Variants in CDK13 observed in about 807,000 individuals in gnomAD.
CDK13 encodes the protein cyclin dependent kinase 13.
CDK13 carries 40 observed loss-of-function variants against 137.6 expected under a neutral mutation model. That is an observed-to-expected ratio of 0.29 (90% CI 0.23 to 0.38). The LOEUF (loss-of-function observed/expected upper bound fraction) is 0.38. Ranked by LOEUF, CDK13 falls within the 10% of genes least tolerant of loss-of-function variation. CDK13 has a pLI of 1.00. For missense variants in CDK13, 1,704 were observed against 1,951.8 expected (o/e 0.87, Z 2.39); for synonymous variants, 869 against 760.1 (o/e 1.14, Z -2.36).
chr7:40,017,164 A>G (rs2140254), intron 5 of CDK13, among the ~76,000 whole-genome samples: 40,629 of 152,036 alleles, frequency 0.27, 6,560 homozygotes, highest in Middle Eastern at 0.45. Flanking sequence ...CTGTAATTCT[A>G]TAATTTGGAT....
Position 40,096,438 on chromosome 7 carries a change from TACAC to T in CDK13, c.*1464_*1467del, listed in dbSNP as rs1317759637. 15 of 152,124 alleles carry T rather than the reference TACAC, an allele frequency of 9.9e-5. No homozygotes were observed. The highest frequency in any genetic ancestry group is 1.9e-4 in the Non-Finnish European group (13 of 68,006). The allele number at this position is 152,124 out of a possible 1,614,324, so 9.4% of individuals were successfully genotyped here. ...CTCACTGTGTGCACACTCTCACACA[TACAC>T]ACACAATTATACTAATTCTAGAAAG... On this transcript the variant is annotated 3_prime_UTR_variant, in exon 14 of 14. Transcript: ENST00000181839.
At chr7:40,051,557 G>GTTT (rs1785888583) in intron 7 of CDK13, among the ~76,000 whole-genome samples, 1 of 152,174 alleles carries the variant, frequency 6.6e-6, no homozygotes. Flanking sequence ...ACTTTGAAGT[G>GTTT]TTTTTATTTT....
chr7:39,997,435 C>A, intron 2 of CDK13, 59 bp from the exon 3 acceptor site: 1 of 1,242,374 alleles, frequency 8.0e-7, no homozygotes, highest in Non-Finnish European at 1.2e-6. Flanking sequence ...AAGTCATAAG[C>A]ATATTTTTAT....
intron 6 of CDK13, among the ~76,000 whole-genome samples, chr7:40,046,961 A>G (rs2150516297): frequency 7.0e-6 from 1 of 143,572 alleles, no homozygotes; most frequent in East Asian, 2.1e-4. Context: ...GTGAGCTGAG[A>G]TAGTGCCACT....
intron 2 of CDK13, among the ~76,000 whole-genome samples, chr7:39,996,922 C>A (rs1218804153): frequency 1.5e-5 from 2 of 137,348 alleles, no homozygotes; most frequent in Non-Finnish European, 3.0e-5. Context: ...CAGGATCTTG[C>A]CACTGCACTC....
intron 1 of CDK13, among the ~76,000 whole-genome samples, chr7:39,970,296 C>T (rs937828967): frequency 6.6e-5 from 10 of 151,928 alleles, no homozygotes; most frequent in Admixed American, 2.6e-4. Flanking sequence ...CCACTGTGTT[C>T]GGCCAGATTT....
At chr7:40,015,375 C>G (rs1784982479) in intron 5 of CDK13, among the ~76,000 whole-genome samples, 1 of 152,060 alleles carries the variant, frequency 6.6e-6, no homozygotes, top group African/African-American at 2.4e-5. Flanking sequence ...AATATGTGCT[C>G]TTGGAACAGG....
At chr7:40,036,541 A>G (rs1358040651) in intron 5 of CDK13, among the ~76,000 whole-genome samples, 4 of 152,228 alleles carry the variant, frequency 2.6e-5, no homozygotes, top group African/African-American at 4.8e-5. Context: ...ACTGTACTCC[A>G]GTCTGGGTGA....
In CDK13 at chr7:39,950,486, C is replaced by T. The variant is rs1787110264; in HGVS notation, c.-156C>T. The stretch of plus-strand genomic sequence containing the variant: ...CCACTGTGACCTGGAACCCAGGGAC[C>T]CGAGTCCCGACCCGGATTATCGTGG... On this transcript the variant is annotated 5_prime_UTR_variant, in exon 1 of 14. Coordinates refer to ENST00000181839, the MANE Select transcript of CDK13 (RefSeq NM_003718.5). 1 of 1,261,294 alleles carries T rather than the reference C, an allele frequency of 7.9e-7. No individual in the cohort carries two copies. Among genetic ancestry groups the T allele is most frequent in the Non-Finnish European group, 1.0e-6 (1 of 1,004,310 alleles). The allele number at this position is 1,261,294 out of a possible 1,614,324, so 78.1% of individuals were successfully genotyped here.
At chr7:40,006,259 T>C (rs942507521) in intron 5 of CDK13, among the ~76,000 whole-genome samples, 3 of 151,970 alleles carry the variant, frequency 2.0e-5, no homozygotes, top group African/African-American at 2.4e-5. Flanking sequence ...GGAAGGAGAG[T>C]GGGATGCAGT....
intron 12 of CDK13, among the ~76,000 whole-genome samples, chr7:40,090,194 C>T (rs1428595672): frequency 6.6e-6 from 1 of 152,174 alleles, no homozygotes; most frequent in Non-Finnish European, 1.5e-5. Flanking sequence ...TTCTGGTCCT[C>T]TTCATGGAAC....
intron 7 of CDK13, among the ~76,000 whole-genome samples, chr7:40,058,082 G>A (rs1385983357): frequency 4.8e-5 from 4 of 83,972 alleles, no homozygotes; most frequent in Non-Finnish European, 1.4e-4. Context: ...GTTAAGATAG[G>A]CCTCTTTTAG....
chr7:39,956,697 C>T (rs1229364457), intron 1 of CDK13, among the ~76,000 whole-genome samples: 1 of 152,170 alleles, frequency 6.6e-6, no homozygotes, highest in Non-Finnish European at 1.5e-5. Flanking sequence ...AGAGGATCCT[C>T]CTGCTTCAGC....
At chr7:40,042,094 TTTG>T (rs1474175161) in intron 5 of CDK13, among the ~76,000 whole-genome samples, 1 of 152,182 alleles carries the variant, frequency 6.6e-6, no homozygotes, top group Non-Finnish European at 1.5e-5. Context: ...TGATTCTTTT[TTTG>T]TTGTTGTAGT....
At chr7:40,021,645 T>G (rs1364395961) in intron 5 of CDK13, among the ~76,000 whole-genome samples, 1 of 152,170 alleles carries the variant, frequency 6.6e-6, no homozygotes, top group Non-Finnish European at 1.5e-5. Context: ...AAAAGTAGTG[T>G]TTTATTTAAT....
intron 1 of CDK13, among the ~76,000 whole-genome samples, chr7:39,953,124 C>T (rs1374531012): frequency 2.0e-5 from 3 of 152,108 alleles, no homozygotes; most frequent in Admixed American, 2.0e-4. Context: ...TTTGAAGTAT[C>T]ACCATAATAA....
chr7:40,011,878 G>C (rs898203925), intron 5 of CDK13, among the ~76,000 whole-genome samples: 22 of 152,122 alleles, frequency 1.4e-4, no homozygotes, highest in African/African-American at 4.3e-4. Context: ...TTTGTATATT[G>C]TATATCTTAT....
intron 1 of CDK13, among the ~76,000 whole-genome samples, chr7:39,983,194 A>G (rs528323922): frequency 7.9e-5 from 12 of 152,114 alleles, no homozygotes; most frequent in African/African-American, 1.2e-4. Flanking sequence ...ATTAATTTTT[A>G]TATAAGGTTT....
At chr7:40,070,825 A>G (rs1266057238) in intron 9 of CDK13, 7 of 143,504 alleles carry the variant, frequency 4.9e-5, no homozygotes, top group African/African-American at 1.9e-4. Context: ...ATATATATAT[A>G]TTTAATTGTT....
Sources: gnomAD v4.1 joint callset for allele counts (sites outside exome capture counted in the v4.1 genomes callset) on GRCh38, gnomAD v4.1.1 for gene constraint, MANE v1.5 for transcripts, NCBI Gene and HGNC (gene_info 2026-07-23, HGNC 2026-07-21) for gene names.